Variants in KIAA1217 observed in about 807,000 individuals in gnomAD.
KIAA1217 encodes sickle tail protein homolog.
In KIAA1217, 88 loss-of-function variants were observed where a neutral mutation model predicts 163.9. The observed-to-expected ratio is 0.54, with a 90% confidence interval of 0.45 to 0.64. The LOEUF (loss-of-function observed/expected upper bound fraction) is 0.64, where lower values mean the gene tolerates loss of function less well. Among genes scored for constraint, KIAA1217 ranks in the 30% least tolerant of loss-of-function variants. The pLI, the probability that KIAA1217 is intolerant of heterozygous loss-of-function variation, is 0.00. For synonymous variants in KIAA1217, 903 were observed against 923.1 expected, an observed-to-expected ratio of 0.98 and a Z score of 0.39; for missense variants, 2,372 against 2,475.0, an observed-to-expected ratio of 0.96 and a Z score of 0.88.
chr10:23,719,686 A>C (rs886360110), intron 1 of KIAA1217, among the ~76,000 whole-genome samples: 1 of 152,192 alleles, frequency 6.6e-6, no homozygotes, highest in African/African-American at 2.4e-5. Flanking sequence ...TGGGAGGCCA[A>C]GGCAGGCGGA....
chr10:24,032,578 T>C (rs1448118038), intron 2 of KIAA1217, among the ~76,000 whole-genome samples: 1 of 152,176 alleles, frequency 6.6e-6, no homozygotes, highest in African/African-American at 2.4e-5. Context: ...CTCAGAACTA[T>C]GTAAGTCTCA....
chr10:23,701,752 T>C (rs889866674), intron 1 of KIAA1217, among the ~76,000 whole-genome samples: 2 of 152,330 alleles, frequency 1.3e-5, no homozygotes, highest in African/African-American at 4.8e-5. Flanking sequence ...TCTGGGTTGA[T>C]AGGATATTTT....
At chr10:24,527,246 T>G (rs1181870466) in intron 13 of KIAA1217, among the ~76,000 whole-genome samples, 1 of 151,836 alleles carries the variant, frequency 6.6e-6, no homozygotes, top group Non-Finnish European at 1.5e-5. Flanking sequence ...ATTTTTGTTC[T>G]TAGTGTTGTG....
intron 1 of KIAA1217, among the ~76,000 whole-genome samples, chr10:23,815,453 G>A (rs1302491632): frequency 6.6e-6 from 1 of 152,110 alleles, no homozygotes; most frequent in East Asian, 1.9e-4. Flanking sequence ...GACCATCCTG[G>A]CTAACACGGT....
intron 1 of KIAA1217, among the ~76,000 whole-genome samples, chr10:23,927,806 GATTCTT>G (rs1374317461): frequency 6.6e-6 from 1 of 152,152 alleles, no homozygotes; most frequent in Non-Finnish European, 1.5e-5. Flanking sequence ...GAGACAGTAA[GATTCTT>G]TTTCAGGCTT....
intron 1 of KIAA1217, among the ~76,000 whole-genome samples, chr10:23,974,270 G>A (rs952132176): frequency 3.9e-5 from 6 of 152,134 alleles, no homozygotes; most frequent in Admixed American, 1.3e-4. Context: ...TCAAATTTCA[G>A]TTTGTCTATA....
At chr10:23,715,984 G>A (rs1837543294) in intron 1 of KIAA1217, among the ~76,000 whole-genome samples, 1 of 152,154 alleles carries the variant, frequency 6.6e-6, no homozygotes, top group Non-Finnish European at 1.5e-5. Flanking sequence ...TAACAGTGAT[G>A]AGAAAGCAGA....
chr10:24,466,758 C>A (rs902525161), intron 5 of KIAA1217: 3 of 985,336 alleles, frequency 3.0e-6, no homozygotes, highest in Non-Finnish European at 2.4e-6. Context: ...TTACTCACGG[C>A]GTTAGTTACA....
intron 5 of KIAA1217, among the ~76,000 whole-genome samples, chr10:24,439,953 A>T (rs1377478395): frequency 6.6e-6 from 1 of 152,218 alleles, no homozygotes; most frequent in Admixed American, 6.5e-5. Flanking sequence ...AGGGACCAGC[A>T]TTCTGCTTTC....
At chr10:24,315,934 G>T (rs547583780) in intron 2 of KIAA1217, among the ~76,000 whole-genome samples, 1 of 148,786 alleles carries the variant, frequency 6.7e-6, no homozygotes, top group South Asian at 2.3e-4. Flanking sequence ...TCTAATGGGG[G>T]GGGGGAATCC....
At chr10:23,869,523 A>G (rs1840360747) in intron 1 of KIAA1217, among the ~76,000 whole-genome samples, 1 of 152,076 alleles carries the variant, frequency 6.6e-6, no homozygotes, top group African/African-American at 2.4e-5. Flanking sequence ...TCTAAACTGC[A>G]TTATTTATAC....
At chr10:24,113,134 T>C (rs2062921703) in intron 2 of KIAA1217, among the ~76,000 whole-genome samples, 1 of 152,146 alleles carries the variant, frequency 6.6e-6, no homozygotes, top group South Asian at 2.1e-4. Flanking sequence ...CGTGTTACAG[T>C]AGCCAGGGAT....
chr10:24,345,970 C>T (rs1404551197), intron 2 of KIAA1217, among the ~76,000 whole-genome samples: 2 of 152,150 alleles, frequency 1.3e-5, no homozygotes, highest in African/African-American at 4.8e-5. Flanking sequence ...TCCATCCCCG[C>T]CATCCTCCCA....
chr10:23,844,296 CTT>C (rs1838922072), intron 1 of KIAA1217, among the ~76,000 whole-genome samples: 2 of 151,996 alleles, frequency 1.3e-5, no homozygotes, highest in African/African-American at 4.8e-5. Flanking sequence ...GAGTTTATGC[CTT>C]TTAAAAAAAT....
intron 14 of KIAA1217, among the ~76,000 whole-genome samples, 200 bp downstream of exon 14, chr10:24,528,319 T>TG (rs2072535596): frequency 1.6e-5 from 2 of 125,110 alleles, no homozygotes; most frequent in Non-Finnish European, 1.8e-5. Flanking sequence ...GTTTTTTTTT[T>TG]TTGTTTTTTT....
At chr10:24,288,508 C>T (rs942596363) in intron 2 of KIAA1217, among the ~76,000 whole-genome samples, 8 of 152,196 alleles carry the variant, frequency 5.3e-5, no homozygotes, top group African/African-American at 1.9e-4. Context: ...TGAGCAGTTC[C>T]ATTAACCTGT....
Position 24,227,956 on chromosome 10 carries a change from A to G in KIAA1217, c.354+8047A>G, listed in dbSNP as rs1389427023. Among the ~76,000 whole-genome samples the G allele has an allele frequency of 4.6e-5, 7 of 152,020 alleles. No homozygotes were observed. In the South Asian group the frequency reaches 1.2e-3, roughly 27 times the overall value. ...CTTCCTTAGGGTCCCCTCCTCAACC[A>G]TCCCCTCCTTTGAATGTGTTTGTGT... On this transcript the variant is annotated intron_variant, in intron 2 of 20. Coordinates refer to ENST00000376454, the MANE Select transcript of KIAA1217 (RefSeq NM_019590.5).
At chr10:23,898,009 A>G (rs1009891882) in intron 1 of KIAA1217, among the ~76,000 whole-genome samples, 7 of 151,946 alleles carry the variant, frequency 4.6e-5, no homozygotes, top group African/African-American at 1.7e-4. Flanking sequence ...TGAGGCTAAT[A>G]GTGAGTGTTA....
At chr10:23,700,079 T>G (rs1429852673) in intron 1 of KIAA1217, among the ~76,000 whole-genome samples, 1 of 152,242 alleles carries the variant, frequency 6.6e-6, no homozygotes, top group Non-Finnish European at 1.5e-5. Context: ...TGTGAAGTAC[T>G]GTTTCCTTTG....
Sources: allele counts gnomAD v4.1 joint callset (sites outside exome capture counted in the v4.1 genomes callset), GRCh38; gene constraint gnomAD v4.1.1; transcripts MANE v1.5; gene names NCBI Gene and HGNC (gene_info 2026-07-23, HGNC 2026-07-21).